CSMD1: variants seen among roughly 807,000 people sequenced by gnomAD.
CSMD1 encodes the protein CUB and Sushi multiple domains 1.
In CSMD1, 213 loss-of-function variants were observed where a neutral mutation model predicts 417.5. That is an observed-to-expected ratio of 0.51 (90% CI 0.46 to 0.57). The LOEUF (loss-of-function observed/expected upper bound fraction) is 0.57, where lower values mean the gene tolerates loss of function less well. Among genes scored for constraint, CSMD1 ranks in the 20% least tolerant of loss-of-function variants. The pLI, the probability that CSMD1 is intolerant of heterozygous loss-of-function variation, is 0.00. For synonymous variants in CSMD1, 2,862 were observed against 1,736.8 expected (o/e 1.65, Z -16.11); for missense variants, 6,923 against 4,529.7 (o/e 1.53, Z -15.17).
chr8:3,502,231 G>C (rs1281098596), intron 10 of CSMD1, among the ~76,000 whole-genome samples: 1 of 151,868 alleles, frequency 6.6e-6, no homozygotes, highest in East Asian at 1.9e-4. Flanking sequence ...CGGGCATGGT[G>C]GTGGGCGCCT....
chr8:3,836,333 C>G (rs1294413521), intron 5 of CSMD1, among the ~76,000 whole-genome samples: 1 of 152,094 alleles, frequency 6.6e-6, no homozygotes, highest in Non-Finnish European at 1.5e-5. Context: ...GTTTACTTGA[C>G]AAAGATCTAT....
intron 3 of CSMD1, among the ~76,000 whole-genome samples, chr8:4,195,600 G>A (rs1585001256): frequency 6.6e-6 from 1 of 152,118 alleles, no homozygotes; most frequent in Admixed American, 6.5e-5. Context: ...TGTCATGACT[G>A]TGTGATATTA....
At chr8:4,764,730 G>A (rs1353023853) in intron 1 of CSMD1, among the ~76,000 whole-genome samples, 3 of 150,760 alleles carry the variant, frequency 2.0e-5, no homozygotes, top group African/African-American at 7.3e-5. Context: ...AAAATTAGCC[G>A]GGTGTTGTGG....
intron 5 of CSMD1, among the ~76,000 whole-genome samples, chr8:3,887,004 G>C (rs1376564383): frequency 6.6e-6 from 1 of 152,072 alleles, no homozygotes. Context: ...TGATCACCTG[G>C]TACCACATGG....
chr8:4,679,288 C>T lies in CSMD1; in HGVS notation c.86-41730G>A, dbSNP rs113508942. On this transcript the variant is annotated intron_variant, in intron 1 of 69. Transcript: ENST00000635120. ...CACCCGAGAAGGTAGCTTGACCTTA[C>T]TCTGCAGATGCATGAAGGGCGAAGT... 2.5e-3 allele frequency among the ~76,000 whole-genome samples: 388 copies of T among 152,296 alleles called. 1 individual carries two copies. The highest frequency in any genetic ancestry group is 8.8e-3 in the African/African-American group (367 of 41,560).
chr8:3,462,465 C>G (rs1816566099), intron 12 of CSMD1, among the ~76,000 whole-genome samples: 1 of 152,118 alleles, frequency 6.6e-6, no homozygotes, highest in South Asian at 2.1e-4. Context: ...ACATTACATT[C>G]TCCTAGGAGT....
At chr8:3,592,002 A>G (rs1397506261) in intron 8 of CSMD1, among the ~76,000 whole-genome samples, 1 of 152,158 alleles carries the variant, frequency 6.6e-6, no homozygotes, top group Non-Finnish European at 1.5e-5. Context: ...AGACGGATGG[A>G]TAGATGATAG....
chr8:4,206,799 A>G (rs913603340), intron 3 of CSMD1, among the ~76,000 whole-genome samples: 19 of 152,154 alleles, frequency 1.2e-4, no homozygotes, highest in Admixed American at 9.2e-4. Context: ...TTATATAAAG[A>G]TTGTTCTAAT....
chr8:3,955,413 A>G (rs1446383289), intron 5 of CSMD1, among the ~76,000 whole-genome samples: 1 of 152,224 alleles, frequency 6.6e-6, no homozygotes, highest in African/African-American at 2.4e-5. Flanking sequence ...GCTTCCATTT[A>G]AGACACAGGT....
intron 18 of CSMD1, chr8:3,375,046 C>G (rs1375038378): frequency 6.6e-6 from 1 of 152,204 alleles, no homozygotes; most frequent in Non-Finnish European, 1.5e-5. Context: ...TGATGATACA[C>G]CTGCTAGCTC....
At chr8:3,423,054 C>G (rs1485146323) in intron 12 of CSMD1, among the ~76,000 whole-genome samples, 1 of 152,186 alleles carries the variant, frequency 6.6e-6, no homozygotes, top group African/African-American at 2.4e-5. Flanking sequence ...TCGAGTTGTA[C>G]AGTCCTATGT....
intron 5 of CSMD1, among the ~76,000 whole-genome samples, chr8:3,835,248 G>A (rs1245077839): frequency 6.6e-6 from 1 of 151,674 alleles, no homozygotes; most frequent in Non-Finnish European, 1.5e-5. Flanking sequence ...AAATCATGCT[G>A]CTATAAAGAC....
chr8:4,300,550 A>G (rs1002920046), intron 3 of CSMD1, among the ~76,000 whole-genome samples: 2 of 152,114 alleles, frequency 1.3e-5, no homozygotes, highest in African/African-American at 2.4e-5. Flanking sequence ...TATTATTATT[A>G]TGCTTTAAGT....
At chr8:4,464,398 A>G (rs345151) in intron 2 of CSMD1, among the ~76,000 whole-genome samples, 1 of 152,246 alleles carries the variant, frequency 6.6e-6, no homozygotes, top group Admixed American at 6.5e-5. Flanking sequence ...CCTAACCTGC[A>G]AAACATTGTA....
chr8:3,424,569 A>G (rs1369347546), intron 12 of CSMD1, among the ~76,000 whole-genome samples: 1 of 152,274 alleles, frequency 6.6e-6, no homozygotes, highest in Non-Finnish European at 1.5e-5. Flanking sequence ...TACACTTAGT[A>G]AAACAATATG....
intron 1 of CSMD1, among the ~76,000 whole-genome samples, chr8:4,751,253 C>T (rs1418388057): frequency 6.6e-6 from 1 of 152,106 alleles, no homozygotes; most frequent in Non-Finnish European, 1.5e-5. Flanking sequence ...GACATTGTGG[C>T]ACGCACCTGC....
At chr8:3,817,939 A>G (rs528089992) in intron 5 of CSMD1, among the ~76,000 whole-genome samples, 2 of 152,326 alleles carry the variant, frequency 1.3e-5, no homozygotes, top group East Asian at 3.9e-4. Context: ...ACCTGGTATT[A>G]GCTAAGTGGA....
At chr8:4,189,233 C>G (rs182095879) in intron 3 of CSMD1, among the ~76,000 whole-genome samples, 20 of 152,352 alleles carry the variant, frequency 1.3e-4, no homozygotes, top group East Asian at 3.9e-4. Flanking sequence ...GGACCCATAA[C>G]AGATCTAAGC....
At chr8:3,313,905 T>C (rs1411382792) in intron 23 of CSMD1, among the ~76,000 whole-genome samples, 4 of 152,090 alleles carry the variant, frequency 2.6e-5, no homozygotes, top group Non-Finnish European at 5.9e-5. Flanking sequence ...ATTAAGAAAA[T>C]GTGGCACATA....
Sources: allele counts gnomAD v4.1 joint callset (sites outside exome capture counted in the v4.1 genomes callset), GRCh38; gene constraint gnomAD v4.1.1; transcripts MANE v1.5; gene names NCBI Gene and HGNC (gene_info 2026-07-23, HGNC 2026-07-21).